The following EDAR variants were observed in gnomAD, a reference collection of about 807,000 sequenced individuals.
The protein encoded by EDAR is tumor necrosis factor receptor superfamily member EDAR.
Under a neutral mutation model 51.3 loss-of-function variants are expected in EDAR, and 38 were observed. The ratio of observed to expected loss-of-function variants is 0.74; its 90% confidence interval spans 0.57 to 0.97. The LOEUF is 0.97. Among genes scored for constraint, EDAR ranks in the 50% least tolerant of loss-of-function variants. EDAR has a pLI of 0.00. For synonymous variants in EDAR, 227 were observed against 242.1 expected, an observed-to-expected ratio of 0.94 and a Z score of 0.58; for missense variants, 528 against 595.0, an observed-to-expected ratio of 0.89 and a Z score of 1.17.
At chr2:108,898,587 T>TA (rs991258540) in intron 11 of EDAR, among the ~76,000 whole-genome samples, 2 of 151,426 alleles carry the variant, frequency 1.3e-5, no homozygotes, top group African/African-American at 4.9e-5. Context: ...GTCAAATGAG[T>TA]AAAAAAAGAA....
chr2:108,961,228 G>C (rs979516279), intron 1 of EDAR, among the ~76,000 whole-genome samples: 3 of 151,818 alleles, frequency 2.0e-5, no homozygotes. Context: ...TTAATGAAAG[G>C]GTAAAGAACC....
At position 108,930,183 on chromosome 2, in the gene EDAR, G is replaced by T; in HGVS notation, c.111C>A (p.Tyr37Ter). 1 of 1,614,116 alleles carries T rather than the reference G, an allele frequency of 6.2e-7. No individual in the cohort carries two copies. Among genetic ancestry groups the T allele is most frequent in the Non-Finnish European group, 8.5e-7 (1 of 1,180,046 alleles). The part of the protein sequence containing the change: ...EYSNCGENEY[Y>*]NQTTGLCQEC... ...CCTGGCACAGCCCCGTAGTCTGGTT[G>T]TAGTACTCGTTCTCACCGCAGTTTG... is the stretch of plus-strand genomic sequence containing the variant. Residue 37 changes from tyrosine to a stop codon, truncating the protein, a stop_gained, in exon 3 of 12, where the codon TAC becomes TAA. Transcript: ENST00000258443. LOFTEE classifies it high-confidence loss of function.
chr2:108,941,334 C>T (rs576820826), intron 1 of EDAR, among the ~76,000 whole-genome samples: 8 of 152,182 alleles, frequency 5.3e-5, no homozygotes, highest in Non-Finnish European at 7.3e-5. Context: ...GTGACTCAAA[C>T]GTGAGGCAGG....
At chr2:108,950,423 A>G (rs1697802667) in intron 1 of EDAR, among the ~76,000 whole-genome samples, 1 of 151,892 alleles carries the variant, frequency 6.6e-6, no homozygotes, top group Non-Finnish European at 1.5e-5. Context: ...GCTAATTTAG[A>G]TGTGATGTCT....
intron 1 of EDAR, among the ~76,000 whole-genome samples, chr2:108,934,325 C>G (rs150164851): frequency 6.6e-5 from 10 of 152,160 alleles, no homozygotes; most frequent in African/African-American, 2.2e-4. Context: ...GGCCACTGGG[C>G]GCTGGGGGGC....
At chr2:108,975,352 G>A (rs1698303433) in intron 1 of EDAR, among the ~76,000 whole-genome samples, 1 of 152,240 alleles carries the variant, frequency 6.6e-6, no homozygotes, top group African/African-American at 2.4e-5. Flanking sequence ...GGAGGCTGGG[G>A]GCAAGGGAGC....
intron 1 of EDAR, among the ~76,000 whole-genome samples, chr2:108,964,485 T>A (rs1428906330): frequency 6.6e-6 from 1 of 152,076 alleles, no homozygotes; most frequent in Admixed American, 6.5e-5. Flanking sequence ...AAGTCCCTAC[T>A]CTAAGAGGAA....
At chr2:108,975,132 G>T (rs1051612988) in intron 1 of EDAR, among the ~76,000 whole-genome samples, 36 of 152,226 alleles carry the variant, frequency 2.4e-4, no homozygotes, top group South Asian at 1.2e-3. Context: ...GTCTGAGGGT[G>T]CTGGGCAGGG....
At chr2:108,970,068 G>GACTTCCACACTTCC (rs2104436729) in intron 1 of EDAR, among the ~76,000 whole-genome samples, 1 of 152,328 alleles carries the variant, frequency 6.6e-6, no homozygotes, top group South Asian at 2.1e-4. Context: ...TGGCTAAGAA[G>GACTTCCACACTTCC]ACACTTTCCC....
chr2:108,931,535 G>A (rs1697365912), intron 1 of EDAR, among the ~76,000 whole-genome samples: 1 of 152,196 alleles, frequency 6.6e-6, no homozygotes, highest in African/African-American at 2.4e-5. Context: ...AAGTGGACAA[G>A]TCCAATAACC....
chr2:108,913,395 G>C (rs1285686070), intron 5 of EDAR, among the ~76,000 whole-genome samples: 2 of 152,156 alleles, frequency 1.3e-5, no homozygotes, highest in Non-Finnish European at 2.9e-5. Flanking sequence ...AAGCAACATA[G>C]AGTGTGTACA....
rs988222038 is a variant in EDAR, at chr2:108,988,560, G to A, written c.-19+400C>T. On this transcript the variant is annotated intron_variant, in intron 1 of 11. Transcript: ENST00000258443. ...AGCGGGTACGCAGAGTTGGAGGCAGGTACAGAGCCCAGCTAGAGTCCCTGC... is the reference window on the plus strand; with the variant it reads ...AGCGGGTACGCAGAGTTGGAGGCAGATACAGAGCCCAGCTAGAGTCCCTGC... 2.6e-5 allele frequency among the ~76,000 whole-genome samples: 4 copies of A among 152,142 alleles called. 1 individual carries two copies. The highest frequency in any genetic ancestry group is 5.9e-5 in the Non-Finnish European group (4 of 68,036).
At chr2:108,985,030 TG>T (rs1436428435) in intron 1 of EDAR, among the ~76,000 whole-genome samples, 1 of 152,238 alleles carries the variant, frequency 6.6e-6, no homozygotes. Context: ...TCTCATTTTT[TG>T]CTTGCAGTCT....
chr2:108,942,237 G>A (rs565221558), intron 1 of EDAR, among the ~76,000 whole-genome samples: 13 of 152,246 alleles, frequency 8.5e-5, no homozygotes, highest in East Asian at 1.9e-4. Context: ...AGTCAATGGC[G>A]GCTCAGAGAG....
chr2:108,931,136 CAG>C (rs1040694582), intron 1 of EDAR, 104 bp from the exon 2 acceptor site: 1 of 897,710 alleles, frequency 1.1e-6, no homozygotes, highest in African/African-American at 1.6e-5. Flanking sequence ...TTCCAGCAAA[CAG>C]AGGGGAAACT....
At chr2:108,971,505 C>T (rs895962962) in intron 1 of EDAR, among the ~76,000 whole-genome samples, 1 of 151,834 alleles carries the variant, frequency 6.6e-6, no homozygotes, top group Non-Finnish European at 1.5e-5. Flanking sequence ...AACCAGGCAT[C>T]AGTCTTTTTG....
intron 1 of EDAR, among the ~76,000 whole-genome samples, chr2:108,944,785 A>C (rs1697683434): frequency 6.6e-6 from 1 of 152,186 alleles, no homozygotes; most frequent in Non-Finnish European, 1.5e-5. Context: ...CTGAGGTCAC[A>C]GAGTCAAGGG....
At chr2:108,919,019 C>T (rs1021755146) in intron 5 of EDAR, among the ~76,000 whole-genome samples, 37 of 152,134 alleles carry the variant, frequency 2.4e-4, no homozygotes, top group Admixed American at 2.0e-3. Flanking sequence ...TGCTGAGTCT[C>T]GGGCCCACTG....
intron 1 of EDAR, among the ~76,000 whole-genome samples, chr2:108,948,923 G>C (rs1697769113): frequency 6.6e-6 from 1 of 152,114 alleles, no homozygotes. Flanking sequence ...TTCAAGACTG[G>C]TCTGGACAAG....
Sources: allele counts gnomAD v4.1 joint callset (sites outside exome capture counted in the v4.1 genomes callset), GRCh38; gene constraint gnomAD v4.1.1; transcripts MANE v1.5; gene names NCBI Gene and HGNC (gene_info 2026-07-23, HGNC 2026-07-21).